The following OSBPL1A variants were observed in gnomAD, a reference collection of about 807,000 sequenced individuals.
OSBPL1A encodes oxysterol binding protein like 1A.
Under a neutral mutation model 137.1 loss-of-function variants are expected in OSBPL1A, and 80 were observed. The observed-to-expected ratio is 0.58, with a 90% CI of 0.49 to 0.70. The LOEUF is 0.70. Among genes scored for constraint, OSBPL1A ranks in the 30% least tolerant of loss-of-function variants. The pLI, the probability that OSBPL1A is intolerant of heterozygous loss-of-function variation, is 0.00. For missense variants in OSBPL1A, 970 were observed against 1,129.4 expected, an observed-to-expected ratio of 0.86 and a Z score of 2.02; for synonymous variants, 365 against 389.7, an observed-to-expected ratio of 0.94 and a Z score of 0.75.
intron 4 of OSBPL1A, chr18:24,357,628 G>T (rs2091559201): frequency 6.6e-6 from 1 of 152,088 alleles, no homozygotes; most frequent in South Asian, 2.1e-4. Context: ...TGAGTTTGGG[G>T]TCCCAAAATT....
intron 15 of OSBPL1A, among the ~76,000 whole-genome samples, chr18:24,276,334 A>C (rs1378025665): frequency 1.3e-5 from 2 of 152,230 alleles, no homozygotes; most frequent in African/African-American, 4.8e-5. Context: ...TGTTTCCAAG[A>C]AAACTACCCT....
At chr18:24,203,609 C>T (rs1487671037) in intron 17 of OSBPL1A, among the ~76,000 whole-genome samples, 1 of 152,130 alleles carries the variant, frequency 6.6e-6, no homozygotes, top group Non-Finnish European at 1.5e-5. Context: ...TCTTTCCCCG[C>T]TTTGTTCTTT....
intron 24 of OSBPL1A, among the ~76,000 whole-genome samples, chr18:24,169,211 G>A (rs72883215): frequency 0.11 from 16,033 of 152,250 alleles, 1,042 homozygotes; most frequent in Middle Eastern, 0.27. Context: ...AGAATGCTCC[G>A]GCCGTTTAAT....
chr18:24,348,691 T>C (rs2091387588), intron 4 of OSBPL1A, among the ~76,000 whole-genome samples: 1 of 152,008 alleles, frequency 6.6e-6, no homozygotes, highest in Non-Finnish European at 1.5e-5. Context: ...GGAGAATCGC[T>C]TGAACCTGGG....
At chr18:24,185,259 A>G (rs2086714176) in intron 18 of OSBPL1A, among the ~76,000 whole-genome samples, 1 of 152,156 alleles carries the variant, frequency 6.6e-6, no homozygotes, top group African/African-American at 2.4e-5. Context: ...ACGGAACACC[A>G]AGAGTGAGCC....
At chr18:24,376,653 G>A (rs1309721488) in intron 2 of OSBPL1A, among the ~76,000 whole-genome samples, 1 of 152,238 alleles carries the variant, frequency 6.6e-6, no homozygotes, top group Non-Finnish European at 1.5e-5. Flanking sequence ...GAGGAGGCTT[G>A]GGCCGCACAG....
intron 4 of OSBPL1A, among the ~76,000 whole-genome samples, chr18:24,363,445 T>G (rs542313790): frequency 1.7e-3 from 244 of 143,414 alleles, no homozygotes; most frequent in African/African-American, 6.5e-3. Context: ...TTTCTTTTTT[T>G]CCTTTTTTTT....
intron 14 of OSBPL1A, among the ~76,000 whole-genome samples, chr18:24,295,459 T>C (rs1042642171): frequency 2.6e-5 from 4 of 152,200 alleles, no homozygotes; most frequent in Admixed American, 2.6e-4. Context: ...GCTGTTGGGG[T>C]CTTAGTCATG....
At chr18:24,239,736 A>T (rs1223857985) in intron 15 of OSBPL1A, among the ~76,000 whole-genome samples, 1 of 152,190 alleles carries the variant, frequency 6.6e-6, no homozygotes, top group Non-Finnish European at 1.5e-5. Flanking sequence ...ACAGTTAAAA[A>T]AAACAGTTTC....
chr18:24,304,940 A>G (rs1022281479), intron 13 of OSBPL1A, among the ~76,000 whole-genome samples: 3 of 152,148 alleles, frequency 2.0e-5, no homozygotes, highest in African/African-American at 7.2e-5. Flanking sequence ...GCAATTTAAA[A>G]CACCATATAT....
At position 24,198,118 on chromosome 18, in the gene OSBPL1A, C is replaced by T. The variant is rs555250644; in HGVS notation, c.1602-1918G>A. On this transcript the variant is annotated intron_variant, in intron 17 of 27. Coordinates refer to ENST00000319481, the MANE Select transcript of OSBPL1A (RefSeq NM_080597.4). The stretch of plus-strand genomic sequence containing the variant: ...TTCCTTCTACTGTCTTGGAAAAGTC[C>T]ATCCAAAGTGTAGCATACCTAGAGA... 3.3e-5 allele frequency among the ~76,000 whole-genome samples: 5 copies of T among 152,170 alleles called. No homozygotes were observed. The East Asian group carries it at 9.7e-4, about 29-fold the overall frequency.
At chr18:24,219,725 T>C (rs2087825632) in intron 17 of OSBPL1A, among the ~76,000 whole-genome samples, 1 of 152,154 alleles carries the variant, frequency 6.6e-6, no homozygotes, top group African/African-American at 2.4e-5. Flanking sequence ...GAGCAACTCC[T>C]ATCTGCTCTT....
At chr18:24,291,035 T>C (rs548713462) in intron 14 of OSBPL1A, among the ~76,000 whole-genome samples, 1 of 152,030 alleles carries the variant, frequency 6.6e-6, no homozygotes, top group Non-Finnish European at 1.5e-5. Context: ...AACTACTCTA[T>C]ATGGACACCT....
chr18:24,394,281 A>G (rs909684352), intron 1 of OSBPL1A, among the ~76,000 whole-genome samples: 1 of 152,186 alleles, frequency 6.6e-6, no homozygotes, highest in Non-Finnish European at 1.5e-5. Flanking sequence ...AAAACCAACC[A>G]TATCACCAGG....
chr18:24,172,539 A>C (rs1461767144), intron 21 of OSBPL1A, 56 bp from the exon 22 acceptor site: 3 of 1,258,330 alleles, frequency 2.4e-6, no homozygotes, highest in Non-Finnish European at 3.5e-6. Flanking sequence ...TTTGTTTAAA[A>C]AGTACACTTG....
At chr18:24,288,829 A>G (rs2090120820) in intron 14 of OSBPL1A, among the ~76,000 whole-genome samples, 1 of 151,952 alleles carries the variant, frequency 6.6e-6, no homozygotes, top group Admixed American at 6.6e-5. Context: ...ATCAATGGGA[A>G]AGATGGCTAT....
At chr18:24,184,402 T>C (rs2086689163) in intron 18 of OSBPL1A, among the ~76,000 whole-genome samples, 1 of 152,190 alleles carries the variant, frequency 6.6e-6, no homozygotes, top group African/African-American at 2.4e-5. Context: ...ATGTGCCAGG[T>C]ACTGCAGTAA....
At chr18:24,393,903 A>T (rs1171059270) in intron 1 of OSBPL1A, among the ~76,000 whole-genome samples, 1 of 152,246 alleles carries the variant, frequency 6.6e-6, no homozygotes, top group African/African-American at 2.4e-5. Flanking sequence ...ACTGAAAAGA[A>T]TACCTAAAAC....
At chr18:24,220,321 G>A (rs922972396) in intron 17 of OSBPL1A, among the ~76,000 whole-genome samples, 4 of 152,152 alleles carry the variant, frequency 2.6e-5, no homozygotes, top group South Asian at 4.1e-4. Flanking sequence ...CTCTTTTCTC[G>A]CTTGGGAGAG....
Sources: gnomAD v4.1 joint callset for allele counts (sites outside exome capture counted in the v4.1 genomes callset) on GRCh38, gnomAD v4.1.1 for gene constraint, MANE v1.5 for transcripts, NCBI Gene and HGNC (gene_info 2026-07-23, HGNC 2026-07-21) for gene names.